KIF2C: variants seen among roughly 807,000 people sequenced by gnomAD.
The protein encoded by KIF2C is kinesin-like protein KIF2C.
In KIF2C, 34 loss-of-function variants were observed where a neutral mutation model predicts 97.4. The observed-to-expected ratio is 0.35, with a 90% CI of 0.27 to 0.46. The LOEUF (loss-of-function observed/expected upper bound fraction) is 0.46. Ranked by LOEUF, KIF2C falls within the 20% of genes least tolerant of loss-of-function variation. The probability of loss-of-function intolerance (pLI) is 1.00; values close to 1 mark genes in which losing one functional copy is unlikely to be tolerated. For synonymous variants in KIF2C, 313 were observed against 318.2 expected, an observed-to-expected ratio of 0.98 and a Z score of 0.17; for missense variants, 750 against 907.6, an observed-to-expected ratio of 0.83 and a Z score of 2.23.
In KIF2C at chr1:44,762,399, T is replaced by C. The variant is rs1346209281; in HGVS notation, c.1805T>C (p.Met602Thr). The change falls in exon 18 of 21, where the codon ATG (methionine) becomes ACG (threonine). Residue 602 changes from methionine (M) to threonine (T), a missense_variant. Coordinates refer to ENST00000372224, the MANE Select transcript of KIF2C (RefSeq NM_006845.4). ...SGPSGEQLIQ[M>T]ETEEMEACSN... ...CCCAGTGGAGAGCAGTTGATTCAAA[T>C]GGAAACAGAAGAGATGGAAGCCTGC... The C allele has an allele frequency of 6.2e-7, 1 of 1,613,980 alleles. No individual in the cohort carries two copies. The highest frequency in any genetic ancestry group is 2.2e-5 in the East Asian group (1 of 44,888).
chr1:44,747,356 C>A, intron 2 of KIF2C, 28 bp from the exon 3 acceptor site: 3 of 1,470,796 alleles, frequency 2.0e-6, no homozygotes, highest in Non-Finnish European at 1.9e-6. Context: ...AATGTTGTTT[C>A]ATTGAAACTT....
intron 1 of KIF2C, among the ~76,000 whole-genome samples, chr1:44,740,579 C>T (rs1648882372): frequency 6.6e-6 from 1 of 152,168 alleles, no homozygotes; most frequent in Non-Finnish European, 1.5e-5. Flanking sequence ...AAAAGTTCAT[C>T]TAAGGGTTGT....
intron 2 of KIF2C, chr1:44,746,759 G>A (rs1236894742): frequency 3.1e-6 from 5 of 1,608,776 alleles, no homozygotes; most frequent in Non-Finnish European, 3.4e-6. Flanking sequence ...CCATCTAGAT[G>A]GTAAACCATT....
At position 44,750,444 on chromosome 1, in the gene KIF2C, C is replaced by A; in HGVS notation, c.319C>A (p.Leu107Ile). 6.8e-7 allele frequency: 1 copy of A among 1,472,884 alleles called. No homozygotes were observed. The highest frequency in any genetic ancestry group is 1.4e-5 in the South Asian group (1 of 69,612). The allele number at this position is 1,472,884 out of a possible 1,614,324, so 91.2% of individuals were successfully genotyped here. The change falls in exon 5 of 21, where the codon CTT becomes ATT. Residue 107 changes from leucine to isoleucine, a missense_variant and splice_region_variant. By Grantham distance (5) the Leu-to-Ile change is conservative. Coordinates refer to ENST00000372224, the MANE Select transcript of KIF2C (RefSeq NM_006845.4). The stretch of plus-strand genomic sequence containing the variant: ...GGCTACTGCTCTCGGTTCTCCAGGT[C>A]TTCGAAGCCGCTCCACTCGCATGTC... ...NSKIPAPKES[L>I]RSRSTRMSTV...
intron 19 of KIF2C, 108 bp from the exon 20 acceptor site, chr1:44,766,718 G>T: frequency 8.2e-7 from 1 of 1,226,054 alleles, no homozygotes. Context: ...ATGGGTCAGG[G>T]ACCAGAGGTA....
chr1:44,750,402 A>G, intron 4 of KIF2C, 40 bp from the exon 5 acceptor site: 1 of 1,337,370 alleles, frequency 7.5e-7, no homozygotes. Context: ...CACCCTCGAG[A>G]TCGTGCAGCA....
chr1:44,766,568 G>A (rs544350563), intron 19 of KIF2C, among the ~76,000 whole-genome samples: 328 of 151,666 alleles, frequency 2.2e-3, no homozygotes, highest in African/African-American at 7.7e-3. Context: ...CCGAGATCAC[G>A]CCATTGCACT....
Position 44,739,859 on chromosome 1 carries a change from G to A in KIF2C, c.-74G>A. 1.4e-6 allele frequency: 2 copies of A among 1,392,790 alleles called. No homozygotes were observed. Among genetic ancestry groups the A allele is most frequent in the South Asian group, 1.2e-5 (1 of 86,680 alleles). The allele number at this position is 1,392,790 out of a possible 1,614,324, so 86.3% of individuals were successfully genotyped here. A position where few individuals can be genotyped will look rare whatever the true frequency, so the allele number is the denominator to read the frequency against. ...TTTAAACTGCGGCGGTTTACGCGGC[G>A]TTAAGACTTCGTAGGGTTAGCGAAA... On this transcript the variant is annotated 5_prime_UTR_variant, in exon 1 of 21. Transcript: ENST00000372224.
intron 2 of KIF2C, among the ~76,000 whole-genome samples, chr1:44,744,898 G>A (rs993765121): frequency 1.7e-4 from 26 of 149,198 alleles, no homozygotes; most frequent in African/African-American, 5.7e-4. Context: ...GTGAGATTCC[G>A]TCTAAAAAAG....
At chr1:44,748,317 T>C (rs1014719504) in intron 4 of KIF2C, among the ~76,000 whole-genome samples, 46 of 152,294 alleles carry the variant, frequency 3.0e-4, no homozygotes, top group African/African-American at 1.1e-3. Flanking sequence ...GGGGTCATCA[T>C]TGCCCTGAAA....
At chr1:44,745,516 C>T (rs1349620945) in intron 2 of KIF2C, among the ~76,000 whole-genome samples, 1 of 114,994 alleles carries the variant, frequency 8.7e-6, no homozygotes, top group Non-Finnish European at 1.7e-5. Context: ...TCTTGTTGCC[C>T]AGGCTGGAGT....
chr1:44,747,834 C>T, intron 4 of KIF2C, 134 bp downstream of exon 4: 1 of 723,414 alleles, frequency 1.4e-6, no homozygotes, highest in Non-Finnish European at 2.3e-6. Context: ...TTCCAAGCAT[C>T]TTTCTCTATG....
intron 1 of KIF2C, 130 bp downstream of exon 1, chr1:44,740,132 C>T: frequency 2.8e-6 from 3 of 1,075,924 alleles, no homozygotes; most frequent in Non-Finnish European, 4.3e-6. Flanking sequence ...CACGCACTCA[C>T]TCCGGGTCTC....
chr1:44,743,436 T>C (rs1396380354), intron 2 of KIF2C, among the ~76,000 whole-genome samples: 4 of 152,164 alleles, frequency 2.6e-5, no homozygotes, highest in Non-Finnish European at 4.4e-5. Context: ...TAGACACTTA[T>C]TGGGTGCTAG....
intron 1 of KIF2C, 26 bp from the exon 2 acceptor site, chr1:44,740,887 A>G: frequency 6.5e-7 from 1 of 1,537,438 alleles, no homozygotes; most frequent in Non-Finnish European, 8.9e-7. Flanking sequence ...AGAGATGGGT[A>G]ACTCTGGTTT....
At position 44,755,914 on chromosome 1, in the gene KIF2C, CTCA is replaced by C. The variant is rs1557596458; in HGVS notation, c.760-12_760-10del. The C allele has an allele frequency of 1.2e-6, 2 of 1,613,398 alleles. No individual in the cohort carries two copies. The highest frequency in any genetic ancestry group is 1.1e-5 in the South Asian group (1 of 91,044). Reference sequence around the variant, plus strand: ...GACCCTTTGCTGTTGGTTGCCTCCTCTCATCCGCTTGCAGATCGAAGAGCACAG... The same window carrying C: ...GACCCTTTGCTGTTGGTTGCCTCCTCTCCGCTTGCAGATCGAAGAGCACAG... On this transcript the variant is annotated splice_polypyrimidine_tract_variant and intron_variant, in intron 8 of 20. Coordinates refer to ENST00000372224, the MANE Select transcript of KIF2C (RefSeq NM_006845.4).
chr1:44,761,116 G>T (rs1009239685), intron 16 of KIF2C: 1 of 189,760 alleles, frequency 5.3e-6, no homozygotes, highest in Non-Finnish European at 1.1e-5. Flanking sequence ...CTTGAATGAC[G>T]TCCTCTTTCC....
chr1:44,763,631 G>A (rs1650284201), intron 19 of KIF2C, among the ~76,000 whole-genome samples: 1 of 152,142 alleles, frequency 6.6e-6, no homozygotes. Flanking sequence ...TGGTGACATG[G>A]GCATGTCAGA....
intron 8 of KIF2C, among the ~76,000 whole-genome samples, chr1:44,755,119 A>G (rs1346103303): frequency 3.3e-5 from 5 of 151,702 alleles, no homozygotes; most frequent in Non-Finnish European, 7.4e-5. Context: ...ACCGCACCCT[A>G]CTGATTTTTT....
Sources: allele counts gnomAD v4.1 joint callset (sites outside exome capture counted in the v4.1 genomes callset), GRCh38; gene constraint gnomAD v4.1.1; transcripts MANE v1.5; gene names NCBI Gene and HGNC (gene_info 2026-07-23, HGNC 2026-07-21).